CRIM1: variants seen among roughly 807,000 people sequenced by gnomAD.
The protein encoded by CRIM1 is cysteine-rich motor neuron 1 protein.
A neutral mutation model predicts 116.4 loss-of-function variants in CRIM1; 32 were observed. The ratio of observed to expected loss-of-function variants is 0.27; its 90% CI spans 0.21 to 0.37. The LOEUF (loss-of-function observed/expected upper bound fraction) is 0.37, where lower values mean the gene tolerates loss of function less well. CRIM1 is among the 10% of genes least tolerant of loss of function. The pLI is 1.00. For missense variants in CRIM1, 1,331 were observed against 1,354.8 expected (o/e 0.98, Z 0.28); for synonymous variants, 590 against 509.2 (o/e 1.16, Z -2.13).
At chr2:36,378,341 A>G (rs1471684679) in intron 1 of CRIM1, 2 of 471,182 alleles carry the variant, frequency 4.2e-6, no homozygotes, top group East Asian at 6.9e-5. Flanking sequence ...GCGCCACCTA[A>G]CATGTTTCTC....
chr2:36,544,653 A>G (rs1667186709), intron 15 of CRIM1, among the ~76,000 whole-genome samples, 155 bp downstream of exon 15: 1 of 152,218 alleles, frequency 6.6e-6, no homozygotes, highest in Non-Finnish European at 1.5e-5. Flanking sequence ...GCTGAAACAT[A>G]TTTACACCAC....
intron 5 of CRIM1, among the ~76,000 whole-genome samples, chr2:36,468,988 A>C (rs1307489840): frequency 6.6e-6 from 1 of 152,242 alleles, no homozygotes; most frequent in Non-Finnish European, 1.5e-5. Flanking sequence ...TAAATGAATT[A>C]GTCTATAGTA....
chr2:36,390,323 A>T (rs937340356), intron 1 of CRIM1, among the ~76,000 whole-genome samples: 1 of 152,214 alleles, frequency 6.6e-6, no homozygotes, highest in Non-Finnish European at 1.5e-5. Context: ...AGACCTATGC[A>T]TCTGTGTGTA....
intron 2 of CRIM1, among the ~76,000 whole-genome samples, chr2:36,402,987 G>A (rs1672531449): frequency 6.6e-6 from 1 of 152,128 alleles, no homozygotes; most frequent in Admixed American, 6.5e-5. Context: ...GCTCTATGGT[G>A]TATAATTACA....
chr2:36,438,420 C>T (rs1044322682), intron 2 of CRIM1, among the ~76,000 whole-genome samples: 1 of 152,226 alleles, frequency 6.6e-6, no homozygotes, highest in Non-Finnish European at 1.5e-5. Context: ...CAAACTCCAA[C>T]TTAATCTGCA....
At position 36,356,751 on chromosome 2, in the gene CRIM1, C is replaced by T; in HGVS notation, c.331+128C>T. Reference sequence around the variant, plus strand: ...GGCTCTGCGGGAAGAGGGGCGGCCGCCGCCCCCAGGAGAGTGCCCCCGCGG... The same window carrying T: ...GGCTCTGCGGGAAGAGGGGCGGCCGTCGCCCCCAGGAGAGTGCCCCCGCGG... On this transcript the variant is annotated intron_variant, in intron 1 of 16. Transcript: ENST00000280527. This position sits in a 1 kb window ranked among gnomAD's most constrained non-coding sequence, Gnocchi z 4.3. 1.1e-6 allele frequency: 1 copy of T among 914,446 alleles called. No individual in the cohort carries two copies. The highest frequency in any genetic ancestry group is 1.6e-6 in the Non-Finnish European group (1 of 621,426). 56.6% of individuals were successfully genotyped at this position (914,446 alleles called of 1,614,324 possible).
At chr2:36,394,644 A>G (rs1203315639) in intron 1 of CRIM1, among the ~76,000 whole-genome samples, 1 of 151,686 alleles carries the variant, frequency 6.6e-6, no homozygotes, top group Non-Finnish European at 1.5e-5. Context: ...TATCTTATAT[A>G]TGTATGTTGT....
In CRIM1 at chr2:36,477,085, CT is replaced by C. The variant is rs778456789; in HGVS notation, c.1174+15del. ...CAGTGTGTGAAGGTAAGAAAAGGTG[CT>C]AATTACAGATTAACAGGAGCATACA... On this transcript the variant is annotated intron_variant, in intron 6 of 16. Transcript: ENST00000280527. 6.3e-7 allele frequency: 1 copy of C among 1,588,534 alleles called. No homozygotes were observed. The highest frequency in any genetic ancestry group is 8.6e-7 in the Non-Finnish European group (1 of 1,165,416).
intron 4 of CRIM1, among the ~76,000 whole-genome samples, chr2:36,453,965 A>G (rs932286126): frequency 1.1e-4 from 17 of 152,180 alleles, no homozygotes; most frequent in African/African-American, 4.1e-4. Context: ...ACCTACCTTT[A>G]TGATTCAAGA....
rs150531639 is a variant in CRIM1 at position 36,533,648 on chromosome 2, T to C, written c.2429-3704T>C. The stretch of plus-strand genomic sequence containing the variant: ...CCCATTGCCTCCAAGGCATTCAGAG[T>C]GGTTGTTCTTTCTCATAATATCATT... On this transcript the variant is annotated intron_variant, in intron 13 of 16. Transcript: ENST00000280527. Among the ~76,000 whole-genome samples, 388 of 152,084 alleles carry C rather than the reference T, an allele frequency of 2.6e-3. 3 individuals are homozygous for C. The highest frequency in any genetic ancestry group is 8.9e-3 in the African/African-American group (368 of 41,476).
intron 1 of CRIM1, among the ~76,000 whole-genome samples, chr2:36,375,790 G>A (rs151162846): frequency 1.3e-4 from 20 of 152,252 alleles, no homozygotes; most frequent in Middle Eastern, 3.4e-3. Context: ...AGCATACTTT[G>A]TACTAAAAAA....
chr2:36,485,997 G>A (rs1023445748), intron 7 of CRIM1, among the ~76,000 whole-genome samples: 2 of 152,262 alleles, frequency 1.3e-5, no homozygotes, highest in African/African-American at 4.8e-5. Context: ...GCAAATGACT[G>A]TTTCTTAACC....
chr2:36,474,216 G>A (rs550717533), intron 5 of CRIM1, among the ~76,000 whole-genome samples: 47 of 151,992 alleles, frequency 3.1e-4, no homozygotes, highest in African/African-American at 1.0e-3. Flanking sequence ...GGGAGTTCTC[G>A]GTACCAGTTT....
In CRIM1 at chr2:36,464,595, A is replaced by G. The variant is rs1268895435; in HGVS notation, c.931A>G (p.Ile311Val). Residue 311 changes from isoleucine (I) to valine (V), a missense_variant, in exon 5 of 17, where the codon ATA (isoleucine) becomes GTA (valine). By Grantham distance (29) the Ile-to-Val change is conservative. Coordinates refer to ENST00000280527, the MANE Select transcript of CRIM1 (RefSeq NM_016441.3). The stretch of plus-strand genomic sequence containing the variant: ...GTGTGAGGTGGGATCCACTCCCCGC[A>G]TAGTCTCTCGTGGCGATGGGACACC... The part of the protein sequence containing the change: ...PVCEVGSTPR[I>V]VSRGDGTPGK... 6.2e-7 allele frequency: 1 copy of G among 1,614,078 alleles called. No homozygotes were observed. The highest frequency in any genetic ancestry group is 2.2e-5 in the East Asian group (1 of 44,860).
At chr2:36,443,338 T>A (rs1676004167) in intron 4 of CRIM1, among the ~76,000 whole-genome samples, 1 of 152,134 alleles carries the variant, frequency 6.6e-6, no homozygotes, top group South Asian at 2.1e-4. Flanking sequence ...AACATGAGGA[T>A]CTCCGGGTCC....
At chr2:36,500,010 A>G (rs185773603) in intron 8 of CRIM1, among the ~76,000 whole-genome samples, 6 of 152,080 alleles carry the variant, frequency 3.9e-5, no homozygotes, top group Non-Finnish European at 8.8e-5. Flanking sequence ...TTGTCTTTAC[A>G]TAAAATATGG....
At chr2:36,408,001 G>T (rs1005619786) in intron 2 of CRIM1, among the ~76,000 whole-genome samples, 1 of 152,078 alleles carries the variant, frequency 6.6e-6, no homozygotes, top group Non-Finnish European at 1.5e-5. Context: ...CCTAGTTCAA[G>T]CACTTTTCTG....
At chr2:36,460,106 A>G (rs116595906) in intron 4 of CRIM1, among the ~76,000 whole-genome samples, 2,865 of 152,248 alleles carry the variant, frequency 0.019, 84 homozygotes, top group African/African-American at 0.065. Context: ...TACTTGAGAA[A>G]AAAAAAAGAC....
intron 8 of CRIM1, among the ~76,000 whole-genome samples, chr2:36,499,906 C>T (rs903281303): frequency 1.3e-5 from 2 of 152,114 alleles, no homozygotes; most frequent in Non-Finnish European, 2.9e-5. Context: ...ATTCTTCTGC[C>T]GGAATAAACA....
Sources: gnomAD v4.1 joint callset for allele counts (sites outside exome capture counted in the v4.1 genomes callset) on GRCh38, gnomAD v4.1.1 for gene constraint, Gnocchi (gnomAD v3.1) non-coding constraint, MANE v1.5 for transcripts, NCBI Gene and HGNC (gene_info 2026-07-23, HGNC 2026-07-21) for gene names.